Variants in PCDHA9 observed in about 807,000 individuals in gnomAD.
PCDHA9 encodes protocadherin alpha 9.
In PCDHA9, 62 loss-of-function variants were observed where a neutral mutation model predicts 62.0. That is an observed-to-expected ratio of 1.00 (90% CI 0.81 to 1.23). The LOEUF is 1.23. PCDHA9 is among the 50% of genes most tolerant of loss of function. PCDHA9 has a pLI of 0.00. For synonymous variants in PCDHA9, 557 were observed against 567.6 expected, an observed-to-expected ratio of 0.98 and a Z score of 0.27; for missense variants, 1,205 against 1,249.8, an observed-to-expected ratio of 0.96 and a Z score of 0.54.
chr5:140,888,620 C>T lies in PCDHA9; in HGVS notation c.2394+37731C>T, dbSNP rs183005411. Among the ~76,000 whole-genome samples the T allele has an allele frequency of 3.4e-3, 514 of 152,264 alleles. 3 individuals are homozygous for T. The highest frequency in any genetic ancestry group is 0.014 in the Middle Eastern group (4 of 294). On this transcript the variant is annotated intron_variant, in intron 1 of 3. Coordinates refer to ENST00000532602, the MANE Select transcript of PCDHA9 (RefSeq NM_031857.2). ...AGCAGCTTTTAGTGTAGCACTAATT[C>T]GGCCTTCTATTACAGCAATACTTTC...
intron 1 of PCDHA9, among the ~76,000 whole-genome samples, chr5:140,934,368 C>A (rs2089796426): frequency 6.6e-6 from 1 of 152,102 alleles, no homozygotes; most frequent in African/African-American, 2.4e-5. Context: ...TGCTTTGACT[C>A]CTTCTGTGGT....
rs1459360410 is a variant in PCDHA9 at position 140,851,559 on chromosome 5, A to C, written c.2394+670A>C. 4 of 909,446 alleles carry C rather than the reference A, an allele frequency of 4.4e-6. 1 individual carries two copies. In the East Asian group the frequency reaches 3.5e-4, roughly 79 times the overall value. The allele number at this position is 909,446 out of a possible 1,614,324, so 56.3% of individuals were successfully genotyped here. A position where few individuals can be genotyped will look rare whatever the true frequency, so the allele number is the denominator to read the frequency against. ...AGATAATTCAAGAAATGTTGACTGA[A>C]ATTTTGTCTACACTTAGAACATTTT... is the stretch of plus-strand genomic sequence containing the variant. On this transcript the variant is annotated intron_variant, in intron 1 of 3. Transcript: ENST00000532602.
chr5:140,869,591 A>G (rs782105068), intron 1 of PCDHA9: 2 of 1,614,020 alleles, frequency 1.2e-6, no homozygotes, highest in Non-Finnish European at 1.7e-6. Flanking sequence ...GCTGACATTG[A>G]AGAGAATGCT....
At chr5:140,926,115 A>G (rs1554203115) in intron 1 of PCDHA9, among the ~76,000 whole-genome samples, 1 of 152,134 alleles carries the variant, frequency 6.6e-6, no homozygotes, top group East Asian at 1.9e-4. Context: ...AGGGTGCAGG[A>G]CAGACTTCAA....
intron 1 of PCDHA9, among the ~76,000 whole-genome samples, chr5:140,938,910 C>T (rs1467187970): frequency 6.6e-6 from 1 of 152,012 alleles, no homozygotes; most frequent in African/African-American, 2.4e-5. Context: ...CACACACACA[C>T]GCACAAGAAA....
rs978053855 is a variant in PCDHA9 at position 141,009,492 on chromosome 5, A to T, written c.2543-135A>T. 4 of 1,478,558 alleles carry T rather than the reference A, an allele frequency of 2.7e-6. No individual in the cohort carries two copies. In the African/African-American group the frequency reaches 5.6e-5, roughly 21 times the overall value. The allele number at this position is 1,478,558 out of a possible 1,614,324, so 91.6% of individuals were successfully genotyped here. ...ATAAGTAAACACTTGCCTTGCCCTCAGACTTGAACAAACAACTCGTGATTT... is the reference window on the plus strand; with the variant it reads ...ATAAGTAAACACTTGCCTTGCCCTCTGACTTGAACAAACAACTCGTGATTT... On this transcript the variant is annotated intron_variant, in intron 3 of 3. Coordinates refer to ENST00000532602, the MANE Select transcript of PCDHA9 (RefSeq NM_031857.2).
In PCDHA9 at chr5:140,966,814, C is replaced by G. The variant is rs782787958; in HGVS notation, c.2395-12135C>G. 4.5e-6 allele frequency: 7 copies of G among 1,552,328 alleles called. No individual in the cohort carries two copies. The East Asian group carries it at 1.2e-4, about 27-fold the overall frequency. On this transcript the variant is annotated intron_variant, in intron 1 of 3. Coordinates refer to ENST00000532602, the MANE Select transcript of PCDHA9 (RefSeq NM_031857.2). The stretch of plus-strand genomic sequence containing the variant: ...CTGCGGCGACAGAGCATCCACGGCT[C>G]CGGCGGCCCATGCCCTGGCTGCTGC...
chr5:140,928,251 C>T (rs267600404), intron 1 of PCDHA9: 5 of 1,614,204 alleles, frequency 3.1e-6, no homozygotes, highest in Non-Finnish European at 3.4e-6. Flanking sequence ...AGGAACTTTT[C>T]GTTGCTGAAA....
intron 3 of PCDHA9, among the ~76,000 whole-genome samples, chr5:140,995,219 GT>G (rs1554254532): frequency 6.6e-6 from 1 of 152,072 alleles, no homozygotes; most frequent in East Asian, 1.9e-4. Flanking sequence ...CAATACTCTT[GT>G]GCTTTGGGGC....
chr5:140,955,813 G>A (rs1428196745), intron 1 of PCDHA9, among the ~76,000 whole-genome samples: 1 of 152,096 alleles, frequency 6.6e-6, no homozygotes, highest in Non-Finnish European at 1.5e-5. Context: ...TGTGTCCACT[G>A]TGATTTCCTT....
At position 140,848,981 on chromosome 5, in the gene PCDHA9, C is replaced by A. The variant is rs2150427833; in HGVS notation, c.486C>A (p.Ile162=). 2.6e-5 allele frequency: 41 copies of A among 1,598,746 alleles called. No homozygotes were observed. The Middle Eastern group carries it at 5.0e-4, about 19-fold the overall frequency. Residue 162 remains isoleucine (I), a synonymous_variant, in exon 1 of 4, where the codon ATC becomes ATA. Transcript: ENST00000532602. ...TAGAGGGCGCGTCCGATGCAGATAT[C>A]GGGGAGAACGCCCTGCTCACTTACA... ...FPLEGASDAD[I]GENALLTYRL...
At chr5:140,993,434 AT>A (rs1243337816) in intron 3 of PCDHA9, among the ~76,000 whole-genome samples, 2 of 150,146 alleles carry the variant, frequency 1.3e-5, no homozygotes, top group Non-Finnish European at 3.0e-5. Flanking sequence ...TAAAATCCTT[AT>A]TCATTCCTGT....
intron 1 of PCDHA9, among the ~76,000 whole-genome samples, chr5:140,937,848 C>G (rs939450579): frequency 1.4e-5 from 2 of 145,938 alleles, no homozygotes; most frequent in African/African-American, 2.5e-5. Flanking sequence ...GAAGGCGGAA[C>G]TTGGAGTGAG....
In PCDHA9 at chr5:140,972,718, C is replaced by T. The variant is rs921637217; in HGVS notation, c.2395-6231C>T. Among the ~76,000 whole-genome samples the T allele has an allele frequency of 9.2e-5, 13 of 142,004 alleles. No individual in the cohort carries two copies. In the East Asian group the frequency reaches 2.5e-3, roughly 27 times the overall value. The allele number at this position is 142,004 out of a possible 152,430, so 93.2% of individuals were successfully genotyped here. A position where few individuals can be genotyped will look rare whatever the true frequency, so the allele number is the denominator to read the frequency against. Reference sequence around the variant, plus strand: ...CTCACTCTGTTGCCAGGCTGGAGTGCAGTGGCGTAATCCCGGCTCACTGCA... The same window carrying T: ...CTCACTCTGTTGCCAGGCTGGAGTGTAGTGGCGTAATCCCGGCTCACTGCA... On this transcript the variant is annotated intron_variant, in intron 1 of 3. Coordinates refer to ENST00000532602, the MANE Select transcript of PCDHA9 (RefSeq NM_031857.2).
rs183652630 is a variant in PCDHA9 at position 140,854,028 on chromosome 5, G to A, written c.2394+3139G>A. 2.2e-3 allele frequency: 685 copies of A among 307,422 alleles called. 24 individuals are homozygous for A. The highest frequency in any genetic ancestry group is 3.0e-3 in the Non-Finnish European group (614 of 202,590). 19.0% of individuals were successfully genotyped at this position (307,422 alleles called of 1,614,324 possible). A position where few individuals can be genotyped will look rare whatever the true frequency, so the allele number is the denominator to read the frequency against. On this transcript the variant is annotated intron_variant, in intron 1 of 3. Transcript: ENST00000532602. ...AAAAAAAAAATTAGCCGGGCATGGTGGCACACATCTCTAGTCCCAATTACT... is the reference window on the plus strand; with the variant it reads ...AAAAAAAAAATTAGCCGGGCATGGTAGCACACATCTCTAGTCCCAATTACT...
intron 1 of PCDHA9, chr5:140,856,061 T>A (rs782207999): frequency 1.3e-6 from 2 of 1,588,972 alleles, no homozygotes; most frequent in Non-Finnish European, 8.6e-7. Context: ...GGTTTCCAGA[T>A]GTAGCTGCCT....
chr5:140,868,184 G>A (rs1216562415), intron 1 of PCDHA9: 3 of 151,962 alleles, frequency 2.0e-5, no homozygotes, highest in African/African-American at 7.2e-5. Context: ...CTCATATTAT[G>A]CTACTATGGC....
At chr5:140,920,749 C>T (rs145619239) in intron 1 of PCDHA9, among the ~76,000 whole-genome samples, 2 of 151,424 alleles carry the variant, frequency 1.3e-5, no homozygotes, top group Non-Finnish European at 2.9e-5. Context: ...GAGGCTGAGG[C>T]AGGAGAATTG....
At chr5:140,936,153 A>G (rs539421853) in intron 1 of PCDHA9, among the ~76,000 whole-genome samples, 1 of 152,284 alleles carries the variant, frequency 6.6e-6, no homozygotes, top group Admixed American at 6.5e-5. Flanking sequence ...TTGGCCTCCT[A>G]AAGTGCTGGG....
Sources: allele counts gnomAD v4.1 joint callset (sites outside exome capture counted in the v4.1 genomes callset), GRCh38; gene constraint gnomAD v4.1.1; transcripts MANE v1.5; gene names NCBI Gene and HGNC (gene_info 2026-07-23, HGNC 2026-07-21).